The following WWC2 variants were observed in gnomAD, a reference collection of about 807,000 sequenced individuals.
WWC2 encodes WW and C2 domain containing 2.
WWC2 carries 101 observed loss-of-function variants against 138.5 expected under a neutral mutation model. The observed-to-expected ratio is 0.73, with a 90% CI of 0.62 to 0.86. The LOEUF is 0.86. Among genes scored for constraint, WWC2 ranks in the 40% least tolerant of loss-of-function variants. The probability of loss-of-function intolerance (pLI) is 0.00; values close to 1 mark genes in which losing one functional copy is unlikely to be tolerated. For synonymous variants in WWC2, 558 were observed against 538.4 expected (o/e 1.04, Z -0.50); for missense variants, 1,420 against 1,419.4 (o/e 1.00, Z -0.01).
At chr4:183,272,142 TTTAGA>T (rs1187479833) in intron 16 of WWC2, among the ~76,000 whole-genome samples, 1 of 152,170 alleles carries the variant, frequency 6.6e-6, no homozygotes, top group Non-Finnish European at 1.5e-5. Context: ...TCAAGTTTGT[TTTAGA>T]TTATGAGGAA....
In WWC2 at chr4:183,099,629, G is replaced by A; in HGVS notation, c.131+7G>A. On this transcript the variant is annotated splice_region_variant and intron_variant, in intron 1 of 22. Transcript: ENST00000403733. ...GGATCGACCCCCGGGACAGGTGGGC[G>A]CCGGCCGCGGGGGCGCGGGCCCGTT... 1 of 1,331,132 alleles carries A rather than the reference G, an allele frequency of 7.5e-7. No homozygotes were observed. Among genetic ancestry groups the A allele is most frequent in the Non-Finnish European group, 9.8e-7 (1 of 1,023,950 alleles). 82.5% of individuals were successfully genotyped at this position (1,331,132 alleles called of 1,614,324 possible).
At position 183,306,214 on chromosome 4, in the gene WWC2, A is replaced by G. The variant is rs146185316; in HGVS notation, c.3385-6127A>G. ...AAGGCAGTGAAAGAGTAGAAGACAA[A>G]CATAGGAACAAACAACAAGGGCAGC... is the stretch of plus-strand genomic sequence containing the variant. On this transcript the variant is annotated intron_variant, in intron 21 of 22. Coordinates refer to ENST00000403733, the MANE Select transcript of WWC2 (RefSeq NM_024949.6). Among the ~76,000 whole-genome samples the G allele has an allele frequency of 4.5e-4, 69 of 152,370 alleles. 1 individual carries two copies. In the East Asian group the frequency reaches 7.3e-3, roughly 16 times the overall value.
chr4:183,170,320 T>C (rs2111161785), intron 1 of WWC2, among the ~76,000 whole-genome samples: 2 of 152,258 alleles, frequency 1.3e-5, no homozygotes, highest in South Asian at 4.2e-4. Flanking sequence ...AGGCTCGAAG[T>C]GTATAAACTA....
chr4:183,138,088 C>G (rs147359043), intron 1 of WWC2, among the ~76,000 whole-genome samples: 1 of 152,244 alleles, frequency 6.6e-6, no homozygotes, highest in Non-Finnish European at 1.5e-5. Context: ...ACCTAAATTC[C>G]TATCTTTGCT....
rs568946717 is a variant in WWC2 at position 183,284,361 on chromosome 4, C to G, written c.3019C>G (p.Pro1007Ala). ...GATAGTGCGCTCACAGACCTTTTCT[C>G]CAGGAGAGCGGAACCAGTACATCTG... is the stretch of plus-strand genomic sequence containing the variant. ...SVIVRSQTFS[P>A]GERNQYICRL... The change falls in exon 19 of 23, where the codon CCA (proline) becomes GCA (alanine). Residue 1007 changes from proline (P) to alanine (A), a missense_variant. Transcript: ENST00000403733. The G allele has an allele frequency of 6.2e-7, 1 of 1,613,386 alleles. No individual in the cohort carries two copies. The highest frequency in any genetic ancestry group is 2.2e-5 in the East Asian group (1 of 44,880).
chr4:183,157,867 A>G (rs1034589220), intron 1 of WWC2, among the ~76,000 whole-genome samples: 24 of 149,880 alleles, frequency 1.6e-4, no homozygotes, highest in African/African-American at 5.7e-4. Flanking sequence ...TCTCTTTACC[A>G]TGCAGTTTTC....
chr4:183,121,669 A>G (rs995703669), intron 1 of WWC2, among the ~76,000 whole-genome samples: 1 of 152,108 alleles, frequency 6.6e-6, no homozygotes, highest in Non-Finnish European at 1.5e-5. Context: ...CAAACATTAT[A>G]TTTCAAAATA....
At chr4:183,295,371 AC>A (rs1738598932) in intron 21 of WWC2, among the ~76,000 whole-genome samples, 1 of 152,170 alleles carries the variant, frequency 6.6e-6, no homozygotes, top group Admixed American at 6.5e-5. Flanking sequence ...TCTCCTGCTC[AC>A]CACTAGAATA....
chr4:183,289,407 A>G lies in WWC2; in HGVS notation c.3156A>G (p.Ser1052=). 6.2e-7 allele frequency: 1 copy of G among 1,611,592 alleles called. No individual in the cohort carries two copies. The highest frequency in any genetic ancestry group is 1.1e-5 in the South Asian group (1 of 90,474). Residue 1052 remains serine, a synonymous_variant, in exon 21 of 23, where the codon TCA becomes TCG. Coordinates refer to ENST00000403733, the MANE Select transcript of WWC2 (RefSeq NM_024949.6). ...TAACTATCCAGACGGTTTGCCAGTCAGTCCTTAGAAGAACAACACAGGAAT... is the reference window on the plus strand; with the variant it reads ...TAACTATCCAGACGGTTTGCCAGTCGGTCCTTAGAAGAACAACACAGGAAT... ...SLRVKRTVCQ[S]VLRRTTQECP...
At chr4:183,109,301 T>C (rs1732152974) in intron 1 of WWC2, among the ~76,000 whole-genome samples, 2 of 152,258 alleles carry the variant, frequency 1.3e-5, no homozygotes, top group Admixed American at 6.5e-5. Context: ...TTTGCCATTG[T>C]CTTTAAAAAT....
intron 1 of WWC2, among the ~76,000 whole-genome samples, chr4:183,127,333 A>G (rs1732792180): frequency 6.6e-6 from 1 of 152,236 alleles, no homozygotes. Flanking sequence ...TGTTCATGCC[A>G]CAACACAGAT....
At chr4:183,312,784 C>A (rs577025997) in intron 22 of WWC2, among the ~76,000 whole-genome samples, 1 of 152,266 alleles carries the variant, frequency 6.6e-6, no homozygotes, top group South Asian at 2.1e-4. Flanking sequence ...GGATTTTGTT[C>A]GCTCATTTTA....
At chr4:183,131,684 T>TTAG (rs1166229852) in intron 1 of WWC2, among the ~76,000 whole-genome samples, 1 of 152,244 alleles carries the variant, frequency 6.6e-6, no homozygotes, top group Non-Finnish European at 1.5e-5. Context: ...AGTTCCAAAG[T>TTAG]TAGTATAGTC....
chr4:183,295,972 C>G (rs1409676122), intron 21 of WWC2, among the ~76,000 whole-genome samples: 1 of 152,218 alleles, frequency 6.6e-6, no homozygotes, highest in Non-Finnish European at 1.5e-5. Context: ...TCAGTGCAAC[C>G]AAGTGTGTGA....
At chr4:183,182,604 A>G (rs1734663898) in intron 1 of WWC2, among the ~76,000 whole-genome samples, 1 of 152,248 alleles carries the variant, frequency 6.6e-6, no homozygotes, top group Non-Finnish European at 1.5e-5. Context: ...TGGCATAAAA[A>G]TACTTTAAAA....
chr4:183,167,637 G>A (rs1734162365), intron 1 of WWC2, among the ~76,000 whole-genome samples: 1 of 152,154 alleles, frequency 6.6e-6, no homozygotes, highest in South Asian at 2.1e-4. Flanking sequence ...AGTGGAGATA[G>A]AGAACAGTCT....
chr4:183,217,892 T>C (rs1006728355), intron 4 of WWC2, among the ~76,000 whole-genome samples: 1 of 151,198 alleles, frequency 6.6e-6, no homozygotes, highest in Non-Finnish European at 1.5e-5. Flanking sequence ...AATCCATCAA[T>C]ATAGGAAATT....
In WWC2 at chr4:183,265,806, C is replaced by A. The variant is rs771114806; in HGVS notation, c.2120+38C>A. The A allele has an allele frequency of 5.0e-6, 8 of 1,608,476 alleles. No homozygotes were observed. In the East Asian group the frequency reaches 8.9e-5, roughly 18 times the overall value. Reference sequence around the variant, plus strand: ...CGTGGGAAAGGAGCAGTTCTGACATCTGTGCAGGGCAAGTGGCCTGTGGTG... The same window carrying A: ...CGTGGGAAAGGAGCAGTTCTGACATATGTGCAGGGCAAGTGGCCTGTGGTG... On this transcript the variant is annotated intron_variant, in intron 13 of 22. Transcript: ENST00000403733.
chr4:183,169,891 G>C (rs370807766), intron 1 of WWC2, among the ~76,000 whole-genome samples: 5 of 152,086 alleles, frequency 3.3e-5, no homozygotes, highest in African/African-American at 4.8e-5. Context: ...TTGAAAACCC[G>C]ATTTCTAGCT....
Sources: gnomAD v4.1 joint callset for allele counts (sites outside exome capture counted in the v4.1 genomes callset) on GRCh38, gnomAD v4.1.1 for gene constraint, MANE v1.5 for transcripts, NCBI Gene and HGNC (gene_info 2026-07-23, HGNC 2026-07-21) for gene names.